The following WWP1 variants were observed in gnomAD, a reference collection of about 807,000 sequenced individuals.
WWP1 encodes the protein NEDD4-like E3 ubiquitin-protein ligase WWP1.
WWP1 carries 49 observed loss-of-function variants against 130.6 expected under a neutral mutation model. That is an observed-to-expected ratio of 0.38 (90% CI 0.30 to 0.48). The LOEUF (loss-of-function observed/expected upper bound fraction) is 0.48. WWP1 is among the 20% of genes least tolerant of loss of function. The pLI, the probability that WWP1 is intolerant of heterozygous loss-of-function variation, is 0.99. For synonymous variants in WWP1, 332 were observed against 367.8 expected (o/e 0.90, Z 1.11); for missense variants, 809 against 1,100.6 (o/e 0.74, Z 3.75).
At chr8:86,447,649 A>G (rs1342650567) in intron 18 of WWP1, among the ~76,000 whole-genome samples, 1 of 152,160 alleles carries the variant, frequency 6.6e-6, no homozygotes, top group Non-Finnish European at 1.5e-5. Context: ...CTAAGGTAGT[A>G]TTAATAGCTT....
intron 8 of WWP1, among the ~76,000 whole-genome samples, chr8:86,404,480 T>G (rs969408944): frequency 6.6e-6 from 1 of 152,244 alleles, no homozygotes; most frequent in Non-Finnish European, 1.5e-5. Flanking sequence ...ATAGATTCTT[T>G]CCATTGGTAA....
chr8:86,367,453 C>A (rs892384082), intron 1 of WWP1, among the ~76,000 whole-genome samples: 5 of 152,182 alleles, frequency 3.3e-5, no homozygotes, highest in Admixed American at 3.3e-4. Flanking sequence ...TTGAAGTAAG[C>A]AGGCAATTAA....
In WWP1 at chr8:86,381,757, A is replaced by T. The variant is rs550141633; in HGVS notation, c.334+128A>T. Reference sequence around the variant, plus strand: ...GAACTTCAGTTATTGCTTGTGATTGATTAACTTTGTGGCATTTTATGAAAT... The same window carrying T: ...GAACTTCAGTTATTGCTTGTGATTGTTTAACTTTGTGGCATTTTATGAAAT... On this transcript the variant is annotated intron_variant, in intron 5 of 24. Transcript: ENST00000517970. 1.7e-3 allele frequency: 1,642 copies of T among 956,040 alleles called. 2 individuals carry two copies. Among genetic ancestry groups the T allele is most frequent in the Non-Finnish European group, 2.1e-3 (1,430 of 697,008 alleles). The allele number at this position is 956,040 out of a possible 1,614,324, so 59.2% of individuals were successfully genotyped here.
chr8:86,451,281 G>T (rs1010035022), intron 20 of WWP1, among the ~76,000 whole-genome samples: 1 of 144,020 alleles, frequency 6.9e-6, no homozygotes, highest in East Asian at 2.0e-4. Flanking sequence ...CCGATAGAGG[G>T]AGATTTTGGT....
intron 5 of WWP1, among the ~76,000 whole-genome samples, chr8:86,388,439 G>C (rs1187467551): frequency 1.3e-5 from 2 of 152,004 alleles, no homozygotes; most frequent in South Asian, 2.1e-4. Context: ...GAAGCTCCTT[G>C]AGTATTTTCT....
At chr8:86,449,996 G>A (rs1811088191) in intron 20 of WWP1, among the ~76,000 whole-genome samples, 1 of 152,162 alleles carries the variant, frequency 6.6e-6, no homozygotes, top group South Asian at 2.1e-4. Flanking sequence ...ACTTCCTTAA[G>A]CATGAATCCA....
At chr8:86,461,547 TG>T (rs1291061401) in intron 23 of WWP1, 2 of 624,806 alleles carry the variant, frequency 3.2e-6, no homozygotes, top group African/African-American at 3.7e-5. Context: ...CTATGGTGAC[TG>T]TGAAGGGAGC....
chr8:86,355,623 A>G (rs766061249), intron 1 of WWP1, among the ~76,000 whole-genome samples: 1 of 152,188 alleles, frequency 6.6e-6, no homozygotes, highest in Non-Finnish European at 1.5e-5. Flanking sequence ...CTTTCCCAGA[A>G]TACGTGGAAA....
At chr8:86,362,708 G>A (rs554387381) in intron 1 of WWP1, among the ~76,000 whole-genome samples, 1 of 152,216 alleles carries the variant, frequency 6.6e-6, no homozygotes, top group East Asian at 1.9e-4. Context: ...CAGTGTGTAG[G>A]TATACCACTT....
chr8:86,378,360 G>A (rs757377992), intron 3 of WWP1, among the ~76,000 whole-genome samples: 1 of 151,888 alleles, frequency 6.6e-6, no homozygotes, highest in Non-Finnish European at 1.5e-5. Flanking sequence ...CATTGGTAAA[G>A]TTTTATAGTT....
chr8:86,429,757 C>T (rs1275802793), intron 11 of WWP1, among the ~76,000 whole-genome samples: 1 of 152,168 alleles, frequency 6.6e-6, no homozygotes, highest in Non-Finnish European at 1.5e-5. Flanking sequence ...CCTATATGTT[C>T]TTCTCCCATT....
chr8:86,440,584 G>A (rs751475667), intron 17 of WWP1: 25 of 415,234 alleles, frequency 6.0e-5, no homozygotes, highest in Non-Finnish European at 1.4e-5. Flanking sequence ...TTTTCCTGAA[G>A]TTCAATAATT....
intron 9 of WWP1, among the ~76,000 whole-genome samples, chr8:86,417,715 A>G (rs1457563817): frequency 6.6e-6 from 1 of 152,192 alleles, no homozygotes; most frequent in African/African-American, 2.4e-5. Context: ...CAATTTTAAA[A>G]CTGTTTCTGA....
chr8:86,386,600 T>C (rs1486275694), intron 5 of WWP1, among the ~76,000 whole-genome samples: 1 of 151,970 alleles, frequency 6.6e-6, no homozygotes, highest in Admixed American at 6.6e-5. Context: ...CCTTTCAACA[T>C]AAATGTACTG....
chr8:86,369,822 A>G (rs188549553), intron 2 of WWP1, among the ~76,000 whole-genome samples: 82 of 152,218 alleles, frequency 5.4e-4, no homozygotes, highest in Admixed American at 9.8e-4. Flanking sequence ...CTTTTGCATC[A>G]CAGGCCCCAG....
chr8:86,374,082 G>T lies in WWP1; in HGVS notation c.32G>T (p.Ser11Ile). 1 of 1,610,660 alleles carries T rather than the reference G, an allele frequency of 6.2e-7. No individual in the cohort carries two copies. The highest frequency in any genetic ancestry group is 2.2e-5 in the East Asian group (1 of 44,520). Reference protein sequence around the residue: MATASPRSDTSNNHSGRLQLQ... With the variant: MATASPRSDTINNHSGRLQLQ... ...ACTGCTTCACCAAGGTCTGATACTA[G>T]TAATAACCACAGTGGAAGGTTGCAG... Residue 11 changes from serine (S) to isoleucine (I), a missense_variant, in exon 3 of 25, where the codon AGT (serine) becomes ATT (isoleucine). Around this residue, in one of 3 missense-constraint regions of WWP1, gnomAD observed 262 missense variants for 346.0 expected, o/e 0.76. Transcript: ENST00000517970.
chr8:86,351,464 A>G lies in WWP1; in HGVS notation c.-115+8534A>G, dbSNP rs977864384. Among the ~76,000 whole-genome samples, 4 of 151,498 alleles carry G rather than the reference A, an allele frequency of 2.6e-5. No homozygotes were observed. The East Asian group carries it at 5.8e-4, about 22-fold the overall frequency. On this transcript the variant is annotated intron_variant, in intron 1 of 24. Transcript: ENST00000517970. Reference sequence around the variant, plus strand: ...AGCAATCCTCCCACCTCAGCCCCACAAGTAGCTGGGACTACAGTTACGCAC... The same window carrying G: ...AGCAATCCTCCCACCTCAGCCCCACGAGTAGCTGGGACTACAGTTACGCAC...
Position 86,435,352 on chromosome 8 carries a change from G to A in WWP1, c.1602-100G>A, listed in dbSNP as rs1027812862. 5.7e-6 allele frequency: 7 copies of A among 1,225,924 alleles called. No homozygotes were observed. In the South Asian group the frequency reaches 8.0e-5, roughly 14 times the overall value. 75.9% of individuals were successfully genotyped at this position (1,225,924 alleles called of 1,614,324 possible). A position where few individuals can be genotyped will look rare whatever the true frequency, so the allele number is the denominator to read the frequency against. ...CTTCTCTCCCAGCAGAAATCTTCCT[G>A]TGGTATTTTGTTGGACTTTAGTACA... On this transcript the variant is annotated intron_variant, in intron 14 of 24. Transcript: ENST00000517970.
At chr8:86,412,224 A>G (rs562946647) in intron 9 of WWP1, among the ~76,000 whole-genome samples, 61 of 152,322 alleles carry the variant, frequency 4.0e-4, no homozygotes, top group African/African-American at 1.4e-3. Flanking sequence ...TCTGTTTTCC[A>G]GACCTCATAC....
Sources: gnomAD v4.1 joint callset for allele counts (sites outside exome capture counted in the v4.1 genomes callset) on GRCh38, gnomAD v4.1.1 for gene constraint, gnomAD v4.1.1 regional missense constraint, MANE v1.5 for transcripts, NCBI Gene and HGNC (gene_info 2026-07-23, HGNC 2026-07-21) for gene names.